Variants in FRMD6 observed in about 807,000 individuals in gnomAD.
The protein encoded by FRMD6 is FERM domain containing 6, also known as FERM domain-containing protein 6.
FRMD6 carries 37 observed loss-of-function variants against 73.2 expected under a neutral mutation model. The ratio of observed to expected loss-of-function variants is 0.51; its 90% CI spans 0.39 to 0.66. FRMD6 has a LOEUF of 0.66. Ranked by LOEUF, FRMD6 falls within the 30% of genes least tolerant of loss-of-function variation. The pLI, the probability that FRMD6 is intolerant of heterozygous loss-of-function variation, is 0.00. For synonymous variants in FRMD6, 273 were observed against 282.2 expected (o/e 0.97, Z 0.33); for missense variants, 714 against 780.5 (o/e 0.91, Z 1.02).
chr14:51,690,264 C>T (rs532256274), intron 2 of FRMD6, among the ~76,000 whole-genome samples: 33 of 152,324 alleles, frequency 2.2e-4, no homozygotes, highest in African/African-American at 7.9e-4. Context: ...AGTTGTCACC[C>T]ACACACATGA....
chr14:51,694,444 T>C (rs1895810196), intron 2 of FRMD6, among the ~76,000 whole-genome samples: 1 of 152,202 alleles, frequency 6.6e-6, no homozygotes, highest in East Asian at 1.9e-4. Flanking sequence ...AATCCCAGCA[T>C]TTTGGGTGGC....
the FRMD6 span, among the ~76,000 whole-genome samples, chr14:51,439,739 T>C: frequency 6.6e-6 from 1 of 152,202 alleles, no homozygotes; most frequent in African/African-American, 2.4e-5. Flanking sequence ...GAAGAGGCTG[T>C]AGGCGTTTTT....
intron 2 of FRMD6, among the ~76,000 whole-genome samples, chr14:51,611,151 G>A (rs1027404485): frequency 1.3e-5 from 2 of 152,158 alleles, no homozygotes; most frequent in African/African-American, 4.8e-5. Flanking sequence ...GAATCTCTTT[G>A]GAGAGGGGAA....
chr14:51,652,760 A>G (rs1394981864), intron 1 of FRMD6, among the ~76,000 whole-genome samples: 1 of 152,196 alleles, frequency 6.6e-6, no homozygotes. Context: ...GGAGCACCGG[A>G]TTCGGCTCCG....
chr14:51,486,286 G>A (rs371553005), upstream of FRMD6, among the ~76,000 whole-genome samples: 32 of 151,858 alleles, frequency 2.1e-4, no homozygotes, highest in African/African-American at 7.0e-4. Context: ...CGCCCTCCTC[G>A]GCCTCCCAAA....
chr14:51,630,150 A>G (rs1259532146), intron 2 of FRMD6, among the ~76,000 whole-genome samples: 1 of 152,156 alleles, frequency 6.6e-6, no homozygotes, highest in Non-Finnish European at 1.5e-5. Context: ...TCTCAAAATG[A>G]TGGGATTGGC....
intron 1 of FRMD6, among the ~76,000 whole-genome samples, chr14:51,509,474 C>T (rs923969794): frequency 1.1e-4 from 17 of 151,602 alleles, no homozygotes; most frequent in African/African-American, 4.1e-4. Flanking sequence ...TTGCAGTGAG[C>T]GGAGATTGCG....
chr14:51,664,431 G>A (rs954056606), intron 1 of FRMD6, among the ~76,000 whole-genome samples: 3 of 152,138 alleles, frequency 2.0e-5, no homozygotes, highest in South Asian at 2.1e-4. Flanking sequence ...GAATCAACAG[G>A]TGTCTGATAC....
At chr14:51,566,587 G>C (rs1887786595) in intron 1 of FRMD6, among the ~76,000 whole-genome samples, 2 of 152,186 alleles carry the variant, frequency 1.3e-5, no homozygotes, top group South Asian at 4.1e-4. Flanking sequence ...AACTGAAAGA[G>C]TTAATGAAGC....
chr14:51,466,773 C>T, the FRMD6 span, among the ~76,000 whole-genome samples: 1 of 152,256 alleles, frequency 6.6e-6, no homozygotes, highest in Non-Finnish European at 1.5e-5. Flanking sequence ...TTCTATAAAA[C>T]AACTTGCTGG....
intron 2 of FRMD6, among the ~76,000 whole-genome samples, chr14:51,626,039 G>C (rs966675419): frequency 1.3e-5 from 2 of 152,174 alleles, no homozygotes; most frequent in Non-Finnish European, 2.9e-5. Context: ...AGAAGATGCT[G>C]TATGTCAATT....
intron 1 of FRMD6, among the ~76,000 whole-genome samples, chr14:51,687,887 T>C (rs1442802478): frequency 6.6e-6 from 1 of 152,226 alleles, no homozygotes; most frequent in East Asian, 1.9e-4. Context: ...CAATGTATTA[T>C]ATTCAACCCT....
At chr14:51,528,356 T>C (rs1018450572) in intron 1 of FRMD6, among the ~76,000 whole-genome samples, 2 of 152,194 alleles carry the variant, frequency 1.3e-5, no homozygotes, top group African/African-American at 2.4e-5. Context: ...GCACTAGGAA[T>C]AGGCAGATTT....
chr14:51,578,901 G>T (rs184768701), intron 2 of FRMD6: 1 of 152,220 alleles, frequency 6.6e-6, no homozygotes, highest in Non-Finnish European at 1.5e-5. Context: ...TGACCTTGAA[G>T]GCCAGGCTTA....
At chr14:51,431,781 A>C in the FRMD6 span, among the ~76,000 whole-genome samples, 1 of 152,316 alleles carries the variant, frequency 6.6e-6, no homozygotes, top group South Asian at 2.1e-4. Context: ...GGATAGATCA[A>C]TTTTCCTTAA....
the FRMD6 span, among the ~76,000 whole-genome samples, chr14:51,416,830 G>C: frequency 6.6e-6 from 1 of 151,960 alleles, no homozygotes; most frequent in South Asian, 2.1e-4. Context: ...TATGAATCTG[G>C]GTGCTCCTGT....
At chr14:51,676,710 A>G (rs1394942841) in intron 1 of FRMD6, among the ~76,000 whole-genome samples, 5 of 152,204 alleles carry the variant, frequency 3.3e-5, no homozygotes, top group South Asian at 2.1e-4. Context: ...ATTTTAAACA[A>G]TAATAGTGAT....
At chr14:51,681,713 T>C (rs974286576) in intron 1 of FRMD6, among the ~76,000 whole-genome samples, 8 of 152,192 alleles carry the variant, frequency 5.3e-5, no homozygotes, top group African/African-American at 1.7e-4. Context: ...TACAATTGTA[T>C]AGTATAATAA....
chr14:51,645,079 T>C (rs576360929), intron 2 of FRMD6, among the ~76,000 whole-genome samples: 2 of 152,354 alleles, frequency 1.3e-5, no homozygotes, highest in Middle Eastern at 3.4e-3. Context: ...TTTAGGCTAA[T>C]AGAATAATTT....
Sources: gnomAD v4.1 joint callset for allele counts (sites outside exome capture counted in the v4.1 genomes callset) on GRCh38, gnomAD v4.1.1 for gene constraint, MANE v1.5 for transcripts, NCBI Gene and HGNC (gene_info 2026-07-23, HGNC 2026-07-21) for gene names.